The following PTPRN2 variants were observed in gnomAD, a reference collection of about 807,000 sequenced individuals.
PTPRN2 encodes the protein receptor-type tyrosine-protein phosphatase N2.
In PTPRN2, 74 loss-of-function variants were observed where a neutral mutation model predicts 118.8. That is an observed-to-expected ratio of 0.62 (90% CI 0.52 to 0.76). PTPRN2 has a LOEUF of 0.76. Ranked by LOEUF, PTPRN2 falls within the 30% of genes least tolerant of loss-of-function variation. The pLI is 0.00. For missense variants in PTPRN2, 1,481 were observed against 1,394.4 expected (o/e 1.06, Z -0.99); for synonymous variants, 641 against 608.0 (o/e 1.05, Z -0.80).
rs1460537163 is a variant in PTPRN2 at position 157,680,321 on chromosome 7, C to T, written c.2001+2404G>A. On this transcript the variant is annotated intron_variant, in intron 13 of 22. Transcript: ENST00000389418. ...AGGTTCAGTGAGCCAGAAATAAATA[C>T]ATTAATGCGAGAAGACACCTTTCCT... is the stretch of plus-strand genomic sequence containing the variant. Among the ~76,000 whole-genome samples, 7 of 152,178 alleles carry T rather than the reference C, an allele frequency of 4.6e-5. No individual in the cohort carries two copies. The East Asian group carries it at 9.6e-4, about 21-fold the overall frequency.
At chr7:158,390,448 G>A (rs114688300) in intron 2 of PTPRN2, among the ~76,000 whole-genome samples, 3,191 of 152,322 alleles carry the variant, frequency 0.021, 100 homozygotes, top group African/African-American at 0.072. Flanking sequence ...TGAGACCTGC[G>A]GAGTCTCTGA....
intron 2 of PTPRN2, among the ~76,000 whole-genome samples, chr7:158,365,690 C>T (rs1809387631): frequency 7.0e-6 from 1 of 143,772 alleles, no homozygotes; most frequent in East Asian, 2.0e-4. Flanking sequence ...GAAGCCGCAG[C>T]CCAATGCACA....
chr7:157,796,841 G>A (rs951881207), intron 12 of PTPRN2, among the ~76,000 whole-genome samples: 5 of 152,148 alleles, frequency 3.3e-5, no homozygotes, highest in African/African-American at 1.2e-4. Flanking sequence ...GAACAGCAAG[G>A]AGAGGGTGGT....
chr7:158,359,143 G>A (rs896297031), intron 2 of PTPRN2, among the ~76,000 whole-genome samples: 7 of 152,300 alleles, frequency 4.6e-5, no homozygotes, highest in Middle Eastern at 3.4e-3. Flanking sequence ...CATGGCCGGC[G>A]AGTCCCTGCT....
chr7:158,278,478 A>G (rs533438922), intron 3 of PTPRN2, among the ~76,000 whole-genome samples: 1 of 152,296 alleles, frequency 6.6e-6, no homozygotes, highest in South Asian at 2.1e-4. Flanking sequence ...AATTGCTCGA[A>G]CCGGTAGCAG....
At chr7:157,835,446 C>T (rs1408331365) in intron 12 of PTPRN2, among the ~76,000 whole-genome samples, 1 of 152,144 alleles carries the variant, frequency 6.6e-6, no homozygotes, top group African/African-American at 2.4e-5. Flanking sequence ...CACAACCGAA[C>T]CCGCAAAGCT....
intron 2 of PTPRN2, among the ~76,000 whole-genome samples, chr7:158,414,046 T>A (rs892727225): frequency 8.0e-6 from 1 of 125,760 alleles, no homozygotes; most frequent in Admixed American, 1.0e-4. Context: ...TCAGCCTGGG[T>A]GACAGAGACA....
intron 3 of PTPRN2, among the ~76,000 whole-genome samples, chr7:158,246,227 A>G (rs1362591279): frequency 1.3e-5 from 2 of 151,934 alleles, no homozygotes; most frequent in Non-Finnish European, 2.9e-5. Context: ...ACCCCACATG[A>G]ATAAAATTAT....
chr7:158,115,372 G>C (rs1040538964), intron 9 of PTPRN2, among the ~76,000 whole-genome samples: 1 of 152,112 alleles, frequency 6.6e-6, no homozygotes, highest in African/African-American at 2.4e-5. Context: ...AGCGGGTAAG[G>C]TGTTCAGAAC....
At chr7:158,120,540 CT>C (rs1817077892) in intron 9 of PTPRN2, among the ~76,000 whole-genome samples, 1 of 152,186 alleles carries the variant, frequency 6.6e-6, no homozygotes, top group Non-Finnish European at 1.5e-5. Flanking sequence ...GGCAAAGCTC[CT>C]TTCTGCTCCC....
At chr7:157,762,893 A>C (rs548216025) in intron 12 of PTPRN2, among the ~76,000 whole-genome samples, 1 of 152,332 alleles carries the variant, frequency 6.6e-6, no homozygotes, top group Admixed American at 6.5e-5. Flanking sequence ...CTGCAGCCAC[A>C]ATCCAGCCCC....
At chr7:157,597,845 C>T (rs1360852176) in intron 16 of PTPRN2, among the ~76,000 whole-genome samples, 2 of 152,216 alleles carry the variant, frequency 1.3e-5, no homozygotes, top group African/African-American at 4.8e-5. Flanking sequence ...GCGGGAACAG[C>T]ATGATGATCC....
At chr7:158,095,749 T>C (rs1456026345) in intron 10 of PTPRN2, among the ~76,000 whole-genome samples, 1 of 152,136 alleles carries the variant, frequency 6.6e-6, no homozygotes, top group African/African-American at 2.4e-5. Context: ...TACTTTCTGG[T>C]TCTGGTTTTG....
At chr7:157,994,725 T>C (rs1339229045) in intron 11 of PTPRN2, among the ~76,000 whole-genome samples, 1 of 34,118 alleles carries the variant, frequency 2.9e-5, no homozygotes. Context: ...CAACGCCGTG[T>C]CCCCAGCTTA....
chr7:157,865,551 G>C (rs74710560), intron 12 of PTPRN2: 1 of 152,370 alleles, frequency 6.6e-6, no homozygotes, highest in Non-Finnish European at 1.5e-5. Flanking sequence ...CGAGCCTGTC[G>C]GGGGTTGGGG....
chr7:158,498,084 G>A (rs908483448), intron 1 of PTPRN2, among the ~76,000 whole-genome samples: 2 of 152,244 alleles, frequency 1.3e-5, no homozygotes, highest in African/African-American at 4.8e-5. Context: ...AGGCTGAAAT[G>A]GCCAAGGTCC....
intron 12 of PTPRN2, among the ~76,000 whole-genome samples, chr7:157,840,575 A>G (rs1020495987): frequency 6.6e-6 from 1 of 152,204 alleles, no homozygotes; most frequent in Non-Finnish European, 1.5e-5. Context: ...CGGGAGCTGC[A>G]GACAACATCC....
intron 2 of PTPRN2, among the ~76,000 whole-genome samples, chr7:158,410,000 C>T (rs773996388): frequency 2.6e-5 from 4 of 152,230 alleles, no homozygotes; most frequent in Non-Finnish European, 4.4e-5. Context: ...GCCTGAGGTT[C>T]GCTGAACAGC....
At chr7:158,188,276 ATGGGGAAGG>A (rs1825396438) in intron 5 of PTPRN2, among the ~76,000 whole-genome samples, 1 of 55,772 alleles carries the variant, frequency 1.8e-5, no homozygotes. Flanking sequence ...CGCCCCCTGT[ATGGGGAAGG>A]CCGCCACGCT....
Sources: allele counts gnomAD v4.1 joint callset (sites outside exome capture counted in the v4.1 genomes callset), GRCh38; gene constraint gnomAD v4.1.1; transcripts MANE v1.5; gene names NCBI Gene and HGNC (gene_info 2026-07-23, HGNC 2026-07-21).